TTL: variants seen among roughly 807,000 people sequenced by gnomAD.
TTL encodes tubulin tyrosine ligase.
A neutral mutation model predicts 41.1 loss-of-function variants in TTL; 10 were observed. The ratio of observed to expected loss-of-function variants is 0.24; its 90% confidence interval spans 0.15 to 0.41. The LOEUF is 0.41. Ranked by LOEUF, TTL falls within the 10% of genes least tolerant of loss-of-function variation. TTL has a pLI of 1.00. For synonymous variants in TTL, 175 were observed against 175.5 expected (o/e 1.00, Z 0.02); for missense variants, 367 against 460.4 (o/e 0.80, Z 1.86).
intron 5 of TTL, among the ~76,000 whole-genome samples, chr2:112,509,673 TC>T (rs2104463604): frequency 6.6e-6 from 1 of 152,274 alleles, no homozygotes; most frequent in South Asian, 2.1e-4. Context: ...CTGCTTCGGC[TC>T]GCGCACGGTG....
intron 5 of TTL, 27 bp from the exon 6 acceptor site, chr2:112,520,255 A>G: frequency 6.2e-7 from 1 of 1,612,568 alleles, no homozygotes; most frequent in Non-Finnish European, 8.5e-7. Flanking sequence ...CCCCGTTCTA[A>G]TGAGCATTTC....
intron 2 of TTL, among the ~76,000 whole-genome samples, chr2:112,489,068 C>CT (rs1248238155): frequency 6.6e-6 from 1 of 152,078 alleles, no homozygotes; most frequent in Non-Finnish European, 1.5e-5. Context: ...GCCTGGGTGA[C>CT]AGAGTGAGAC....
At position 112,532,992 on chromosome 2, in the gene TTL, A is replaced by G. The variant is rs766345962; in HGVS notation, c.*4197A>G. ...ACCAAGGCCAGGTTTTTAAATACCT[A>G]TAAACCTCACACACCTGAGATGCTT... is the stretch of plus-strand genomic sequence containing the variant. On this transcript the variant is annotated 3_prime_UTR_variant, in exon 7 of 7. Coordinates refer to ENST00000233336, the MANE Select transcript of TTL (RefSeq NM_153712.5). The G allele has an allele frequency of 6.6e-6, 1 of 152,238 alleles. No homozygotes were observed. The highest frequency in any genetic ancestry group is 1.5e-5 in the Non-Finnish European group (1 of 68,050). 9.4% of individuals were successfully genotyped at this position (152,238 alleles called of 1,614,324 possible).
At chr2:112,514,848 CT>C (rs937285483) in intron 5 of TTL, among the ~76,000 whole-genome samples, 10 of 152,240 alleles carry the variant, frequency 6.6e-5, no homozygotes, top group African/African-American at 1.7e-4. Flanking sequence ...ATTGTTAATG[CT>C]TTTCACTGTT....
intron 5 of TTL, among the ~76,000 whole-genome samples, chr2:112,513,571 A>AAG (rs1681982971): frequency 2.0e-5 from 3 of 148,270 alleles, no homozygotes; most frequent in African/African-American, 7.4e-5. Flanking sequence ...ACAAATATAC[A>AAG]TATAAATATT....
intron 6 of TTL, among the ~76,000 whole-genome samples, chr2:112,526,883 G>A (rs933894017): frequency 9.9e-5 from 15 of 152,132 alleles, no homozygotes; most frequent in Non-Finnish European, 1.8e-4. Context: ...TGAAGTTAGG[G>A]TATCAATTTT....
intron 3 of TTL, 119 bp from the exon 4 acceptor site, chr2:112,501,087 G>A: frequency 4.3e-6 from 4 of 931,202 alleles, no homozygotes; most frequent in East Asian, 3.0e-5. Context: ...GAGGGAAAAA[G>A]GTGAGCGGGA....
chr2:112,491,288 G>A (rs943782519), intron 2 of TTL, among the ~76,000 whole-genome samples: 12 of 152,184 alleles, frequency 7.9e-5, no homozygotes, highest in Admixed American at 6.5e-4. Context: ...ACCACTCCCG[G>A]CTGAGTTTGA....
At chr2:112,512,597 A>G (rs1216569815) in intron 5 of TTL, among the ~76,000 whole-genome samples, 1 of 151,148 alleles carries the variant, frequency 6.6e-6, no homozygotes, top group Non-Finnish European at 1.5e-5. Context: ...AGGTTTCTCC[A>G]TGTTGGTCAG....
rs921247545 is a variant in TTL, at chr2:112,528,860, C to T, written c.*65C>T. The T allele has an allele frequency of 6.5e-5, 83 of 1,280,348 alleles. No individual in the cohort carries two copies. Among genetic ancestry groups the T allele is most frequent in the Non-Finnish European group, 9.1e-5 (80 of 877,180 alleles). The allele number at this position is 1,280,348 out of a possible 1,614,324, so 79.3% of individuals were successfully genotyped here. ...CCTGCTCCAGGGAATGGTGAAATGA[C>T]TGGATTGCTCTTTATCCAGCCCACA... On this transcript the variant is annotated 3_prime_UTR_variant, in exon 7 of 7. Coordinates refer to ENST00000233336, the MANE Select transcript of TTL (RefSeq NM_153712.5).
chr2:112,490,568 C>CTTTTTTT (rs35722764), intron 2 of TTL, among the ~76,000 whole-genome samples: 2 of 110,700 alleles, frequency 1.8e-5, no homozygotes, highest in African/African-American at 3.6e-5. Context: ...CTTAGTAAAT[C>CTTTTTTT]TTTTTTTTTT....
chr2:112,501,347 G>A lies in TTL; in HGVS notation c.605+6G>A. 1 of 1,555,054 alleles carries A rather than the reference G, an allele frequency of 6.4e-7. No homozygotes were observed. The highest frequency in any genetic ancestry group is 1.4e-5 in the African/African-American group (1 of 72,490). On this transcript the variant is annotated splice_donor_region_variant and intron_variant, in intron 4 of 6. Transcript: ENST00000233336. The stretch of plus-strand genomic sequence containing the variant: ...CATCGCAAGTTTGACATCCGGTAAT[G>A]CATTCATGTCCATAGCTTTTGTTTT...
At chr2:112,517,303 A>T (rs1184979928) in intron 5 of TTL, among the ~76,000 whole-genome samples, 1 of 152,076 alleles carries the variant, frequency 6.6e-6, no homozygotes, top group African/African-American at 2.4e-5. Flanking sequence ...GCTGAAGTGC[A>T]GTGGCGCAAT....
At chr2:112,523,770 GTT>G (rs10566056) in intron 6 of TTL, among the ~76,000 whole-genome samples, 120,522 of 151,640 alleles carry the variant, frequency 0.79, 48,588 homozygotes, top group East Asian at 1. Context: ...GTGGCAACCA[GTT>G]TTTTTTTTTC....
intron 5 of TTL, among the ~76,000 whole-genome samples, chr2:112,514,770 A>G (rs1464097129): frequency 6.6e-6 from 1 of 152,172 alleles, no homozygotes; most frequent in African/African-American, 2.4e-5. Context: ...TGGAATATTC[A>G]TGGACATTAT....
At position 112,494,380 on chromosome 2, in the gene TTL, G is replaced by T; in HGVS notation, c.469+5G>T. ...AGTCATCAGCCGGTGCCAAAGGTGA[G>T]TTGGCACTGCTGTCCCCTTCTCTAT... On this transcript the variant is annotated splice_donor_5th_base_variant and intron_variant, in intron 3 of 6. Coordinates refer to ENST00000233336, the MANE Select transcript of TTL (RefSeq NM_153712.5). 1 of 1,605,930 alleles carries T rather than the reference G, an allele frequency of 6.2e-7. No individual in the cohort carries two copies. Among genetic ancestry groups the T allele is most frequent in the Non-Finnish European group, 8.5e-7 (1 of 1,173,200 alleles).
intron 6 of TTL, among the ~76,000 whole-genome samples, chr2:112,527,668 ATCT>A (rs968403943): frequency 6.6e-6 from 1 of 152,014 alleles, no homozygotes; most frequent in Non-Finnish European, 1.5e-5. Context: ...TGCTTGGTAG[ATCT>A]TCTTCCATCC....
At position 112,530,085 on chromosome 2, in the gene TTL, T is replaced by C. The variant is rs1358041399; in HGVS notation, c.*1290T>C. ...GTGTCCTGGAAATCACAGCAACCCA[T>C]TGAAAACTGCCCTCCCCACCAGAAC... On this transcript the variant is annotated 3_prime_UTR_variant, in exon 7 of 7. Transcript: ENST00000233336. 3 of 229,898 alleles carry C rather than the reference T, an allele frequency of 1.3e-5. No individual in the cohort carries two copies. The highest frequency in any genetic ancestry group is 6.2e-5 in the East Asian group (1 of 16,184). 14.2% of individuals were successfully genotyped at this position (229,898 alleles called of 1,614,324 possible).
Position 112,515,948 on chromosome 2 carries a change from G to GAATAAATA in TTL, c.876-4290_876-4283dup, listed in dbSNP as rs59842188. Among the ~76,000 whole-genome samples the GAATAAATA allele has an allele frequency of 9.6e-3, 1,397 of 145,600 alleles. 17 individuals are homozygous for GAATAAATA. The highest frequency in any genetic ancestry group is 0.033 in the African/African-American group (1,294 of 39,088). ...GGCGACACAGCGAGACTCCATCTCAGAATAAATAAATAAATAAATAAATAA... is the reference window on the plus strand; with the variant it reads ...GGCGACACAGCGAGACTCCATCTCAGAATAAATAAATAAATAAATAAATAAATAAATAA... On this transcript the variant is annotated intron_variant, in intron 5 of 6. Coordinates refer to ENST00000233336, the MANE Select transcript of TTL (RefSeq NM_153712.5).
Sources: gnomAD v4.1 joint callset for allele counts (sites outside exome capture counted in the v4.1 genomes callset) on GRCh38, gnomAD v4.1.1 for gene constraint, MANE v1.5 for transcripts, NCBI Gene and HGNC (gene_info 2026-07-23, HGNC 2026-07-21) for gene names.